Variants in MSRB3 observed in about 807,000 individuals in gnomAD.
MSRB3 encodes the protein methionine sulfoxide reductase B3, also known as methionine-R-sulfoxide reductase B3.
MSRB3 carries 13 observed loss-of-function variants against 21.0 expected under a neutral mutation model. The observed-to-expected ratio is 0.62, with a 90% confidence interval of 0.40 to 0.98. The LOEUF is 0.98. Among genes scored for constraint, MSRB3 ranks in the 50% least tolerant of loss-of-function variants. MSRB3 has a pLI of 0.00. For synonymous variants in MSRB3, 87 were observed against 88.6 expected (o/e 0.98, Z 0.10); for missense variants, 199 against 230.3 (o/e 0.86, Z 0.88).
intron 1 of MSRB3, among the ~76,000 whole-genome samples, chr12:65,300,840 G>T (rs1430583304): frequency 2.0e-5 from 3 of 152,156 alleles, no homozygotes; most frequent in Non-Finnish European, 4.4e-5. Flanking sequence ...GAAAGCCCTG[G>T]AGGGTCTCAC....
rs80150292 is a variant in MSRB3 at position 65,296,932 on chromosome 12, T to C, written c.-51-11597T>C. On this transcript the variant is annotated intron_variant, in intron 1 of 6. Coordinates refer to ENST00000308259, the MANE Select transcript of MSRB3 (RefSeq NM_001031679.3). ...GGGGACAACTGTGAAAGAAATGATA[T>C]CTAAATGTATCATAAATATAAATGA... 2.2e-4 allele frequency among the ~76,000 whole-genome samples: 34 copies of C among 152,292 alleles called. No homozygotes were observed. In the East Asian group the frequency reaches 4.8e-3, roughly 22 times the overall value.
chr12:65,359,955 G>C (rs894187339), intron 4 of MSRB3, among the ~76,000 whole-genome samples: 43 of 151,964 alleles, frequency 2.8e-4, no homozygotes, highest in African/African-American at 9.7e-4. Flanking sequence ...GAATTTTATT[G>C]TCTCACAGTT....
intron 1 of MSRB3, among the ~76,000 whole-genome samples, chr12:65,295,386 A>G (rs1306055142): frequency 6.6e-6 from 1 of 152,192 alleles, no homozygotes; most frequent in African/African-American, 2.4e-5. Flanking sequence ...ATGATTTTGT[A>G]TTATACGTTC....
intron 5 of MSRB3, among the ~76,000 whole-genome samples, chr12:65,369,413 A>G (rs1311494349): frequency 1.3e-5 from 2 of 152,220 alleles, no homozygotes; most frequent in African/African-American, 2.4e-5. Flanking sequence ...TCAGCAAACT[A>G]TAGAGAGTTC....
chr12:65,319,052 A>G (rs1299608226), intron 2 of MSRB3, among the ~76,000 whole-genome samples: 1 of 152,158 alleles, frequency 6.6e-6, no homozygotes, highest in Non-Finnish European at 1.5e-5. Flanking sequence ...TTCATGAATG[A>G]GATTTTACTA....
At chr12:65,411,720 CT>C (rs1445404904) in intron 5 of MSRB3, among the ~76,000 whole-genome samples, 1 of 149,590 alleles carries the variant, frequency 6.7e-6, no homozygotes, top group Non-Finnish European at 1.5e-5. Flanking sequence ...CAGAATTAAG[CT>C]AGATTTATAA....
chr12:65,279,152 C>G, intron 1 of MSRB3: 1 of 1,144,948 alleles, frequency 8.7e-7, no homozygotes, highest in Non-Finnish European at 1.1e-6. Context: ...CGGGAGCGAA[C>G]CTGAACCCGC....
chr12:65,303,675 A>G (rs1873475203), intron 1 of MSRB3, among the ~76,000 whole-genome samples: 1 of 152,162 alleles, frequency 6.6e-6, no homozygotes, highest in African/African-American at 2.4e-5. Context: ...ACTGGGATGC[A>G]GGGATAAAAG....
intron 5 of MSRB3, among the ~76,000 whole-genome samples, chr12:65,389,444 T>A (rs1244595056): frequency 6.6e-6 from 1 of 152,198 alleles, no homozygotes; most frequent in Admixed American, 6.5e-5. Flanking sequence ...ATGTAAGAAC[T>A]CCTTACACAG....
At chr12:65,350,957 C>T (rs1413641071) in intron 4 of MSRB3, among the ~76,000 whole-genome samples, 12 of 148,292 alleles carry the variant, frequency 8.1e-5, no homozygotes, top group East Asian at 2.0e-4. Context: ...CTGCACCAAG[C>T]GGACCTAATA....
At chr12:65,348,930 T>C (rs549259615) in intron 4 of MSRB3, among the ~76,000 whole-genome samples, 3 of 152,012 alleles carry the variant, frequency 2.0e-5, no homozygotes, top group South Asian at 2.1e-4. Flanking sequence ...TTATATACTT[T>C]AAGTTTTAGG....
At chr12:65,382,283 A>G (rs1475643217) in intron 5 of MSRB3, among the ~76,000 whole-genome samples, 3 of 152,066 alleles carry the variant, frequency 2.0e-5, no homozygotes, top group Non-Finnish European at 4.4e-5. Context: ...ATGGCCTATC[A>G]GTGGTTTTTC....
chr12:65,396,756 A>G (rs912696133), intron 5 of MSRB3, among the ~76,000 whole-genome samples: 1 of 139,470 alleles, frequency 7.2e-6, no homozygotes, highest in African/African-American at 2.9e-5. Flanking sequence ...AAGAAAGAAA[A>G]CCCAGCAAAG....
chr12:65,303,772 G>T (rs1225309128), intron 1 of MSRB3, among the ~76,000 whole-genome samples: 1 of 152,172 alleles, frequency 6.6e-6, no homozygotes, highest in East Asian at 1.9e-4. Context: ...TATAGGGGAT[G>T]TGATAGCGTA....
chr12:65,437,692 T>TC (rs926551817), intron 5 of MSRB3, among the ~76,000 whole-genome samples: 5 of 151,256 alleles, frequency 3.3e-5, no homozygotes, highest in African/African-American at 7.3e-5. Flanking sequence ...GTTATACTCA[T>TC]CCCTTTTGCC....
In MSRB3 at chr12:65,306,483, A is replaced by G. The variant is rs536056295; in HGVS notation, c.-51-2046A>G. Among the ~76,000 whole-genome samples, 72 of 152,300 alleles carry G rather than the reference A, an allele frequency of 4.7e-4. No individual in the cohort carries two copies. In the South Asian group the frequency reaches 0.012, roughly 25 times the overall value. On this transcript the variant is annotated intron_variant, in intron 1 of 6. Coordinates refer to ENST00000308259, the MANE Select transcript of MSRB3 (RefSeq NM_001031679.3). ...ATTTTGCAAACTTCAATCCTTTTCT[A>G]CTATCCATGCAGGCATTAAAATAAT...
At chr12:65,302,897 T>A (rs1873422007) in intron 1 of MSRB3, among the ~76,000 whole-genome samples, 1 of 152,130 alleles carries the variant, frequency 6.6e-6, no homozygotes, top group Non-Finnish European at 1.5e-5. Flanking sequence ...ATGAAACTTC[T>A]CCCCCACAAA....
chr12:65,278,964 G>T, intron 1 of MSRB3, 99 bp downstream of exon 1: 2 of 1,506,228 alleles, frequency 1.3e-6, no homozygotes, highest in South Asian at 1.3e-5. Flanking sequence ...TCCATTCTGC[G>T]CCTGCTGCGC....
At chr12:65,374,907 T>C (rs992580159) in intron 5 of MSRB3, among the ~76,000 whole-genome samples, 2 of 152,156 alleles carry the variant, frequency 1.3e-5, no homozygotes, top group Admixed American at 1.3e-4. Context: ...TGGAGTGCAG[T>C]GGCGCGATCT....
Sources: gnomAD v4.1 joint callset for allele counts (sites outside exome capture counted in the v4.1 genomes callset) on GRCh38, gnomAD v4.1.1 for gene constraint, MANE v1.5 for transcripts, NCBI Gene and HGNC (gene_info 2026-07-23, HGNC 2026-07-21) for gene names.